Variants in ZSCAN5B observed in about 807,000 individuals in gnomAD.
ZSCAN5B encodes zinc finger and SCAN domain-containing protein 5B.
Under a neutral mutation model 25.2 loss-of-function variants are expected in ZSCAN5B, and 26 were observed. That is an observed-to-expected ratio of 1.03 (90% CI 0.76 to 1.43). The LOEUF is 1.43. ZSCAN5B is among the 40% of genes most tolerant of loss of function. ZSCAN5B has a pLI of 0.00. For synonymous variants in ZSCAN5B, 244 were observed against 240.9 expected, an observed-to-expected ratio of 1.01 and a Z score of -0.12; for missense variants, 745 against 622.1, an observed-to-expected ratio of 1.20 and a Z score of -2.10.
chr19:56,195,841 A>T (rs1219676785), intron 1 of ZSCAN5B, among the ~76,000 whole-genome samples: 1 of 107,318 alleles, frequency 9.3e-6, no homozygotes, highest in Admixed American at 8.5e-5. Flanking sequence ...TAAAAGTGGA[A>T]TTTTTTTTTA....
Position 56,190,601 on chromosome 19 carries a change from C to A in ZSCAN5B, c.740-26G>T, listed in dbSNP as rs935603133. On this transcript the variant is annotated intron_variant, in intron 4 of 4. Coordinates refer to ENST00000586855, the Ensembl canonical transcript of ZSCAN5B. ...CTGGTGGAAGAAGGGATTCCACACA[C>A]AACAGTTAACAAAGCCGATTTTCAA... 5 of 1,598,370 alleles carry A rather than the reference C, an allele frequency of 3.1e-6. No individual in the cohort carries two copies. In the South Asian group the frequency reaches 3.3e-5, roughly 11 times the overall value.
At chr19:56,191,597 C>A (rs1217912849) in intron 3 of ZSCAN5B, among the ~76,000 whole-genome samples, 1 of 152,140 alleles carries the variant, frequency 6.6e-6, no homozygotes, top group South Asian at 2.1e-4. Flanking sequence ...AACTGCCTCC[C>A]TCACTTCACT....
rs146951416 is a variant in ZSCAN5B, at chr19:56,191,248, C to T, written c.589-261G>A. On this transcript the variant is annotated intron_variant, in intron 3 of 4. Transcript: ENST00000586855. The stretch of plus-strand genomic sequence containing the variant: ...CGTGCCAATGTCTCCCTGCCCCTGA[C>T]GCTGGAAGAAGCATGACTCTAGGTG... Among the ~76,000 whole-genome samples, 613 of 152,268 alleles carry T rather than the reference C, an allele frequency of 4.0e-3. 2 individuals carry two copies. The highest frequency in any genetic ancestry group is 0.014 in the African/African-American group (581 of 41,540).
intron 1 of ZSCAN5B, among the ~76,000 whole-genome samples, chr19:56,195,695 C>T (rs769177258): frequency 2.6e-5 from 4 of 152,152 alleles, no homozygotes; most frequent in South Asian, 2.1e-4. Flanking sequence ...AAGTGACAGA[C>T]GGTGGGAAGG....
chr19:56,197,795 A>G lies in ZSCAN5B; in HGVS notation c.-189T>C. ...GGGATGCGCTCTCCAACCGGCCTGG[A>G]GCTGAACTGCGTCTATTTATGGAGA... is the stretch of plus-strand genomic sequence containing the variant. On this transcript the variant is annotated 5_prime_UTR_variant, in exon 1 of 5. Transcript: ENST00000586855. 1.0e-6 allele frequency: 1 copy of G among 985,224 alleles called. No individual in the cohort carries two copies. Among genetic ancestry groups the G allele is most frequent in the Non-Finnish European group, 1.2e-6 (1 of 829,902 alleles). 61.0% of individuals were successfully genotyped at this position (985,224 alleles called of 1,614,324 possible).
At chr19:56,194,979 C>G in intron 1 of ZSCAN5B, among the ~76,000 whole-genome samples, 1 of 152,146 alleles carries the variant, frequency 6.6e-6, no homozygotes, top group Non-Finnish European at 1.5e-5. Context: ...ACTCTCCAGG[C>G]ATCAATTATC....
exon 5 of ZSCAN5B, chr19:56,189,691 G>C: frequency 1.9e-6 from 2 of 1,079,164 alleles, no homozygotes; most frequent in Non-Finnish European, 2.6e-6. Flanking sequence ...AAAACTCATG[G>C]GGGAGGATAA....
chr19:56,193,380 G>A (rs1195312928), intron 1 of ZSCAN5B, among the ~76,000 whole-genome samples: 1 of 152,058 alleles, frequency 6.6e-6, no homozygotes, highest in Admixed American at 6.6e-5. Flanking sequence ...TGATCTCTAG[G>A]GGATCATTGT....
In ZSCAN5B at chr19:56,191,625, A is replaced by AC. The variant is rs978723682; in HGVS notation, c.588+224dup. Among the ~76,000 whole-genome samples, 19 of 66,766 alleles carry AC rather than the reference A, an allele frequency of 2.8e-4. No homozygotes were observed. The East Asian group carries it at 4.1e-3, about 14-fold the overall frequency. The allele number at this position is 66,766 out of a possible 152,430, so 43.8% of individuals were successfully genotyped here. On this transcript the variant is annotated intron_variant, in intron 3 of 4. Transcript: ENST00000586855. ...ACTTCACTGAGACCATTTCTTACCC[A>AC]CCCCCCCACCCTAAATGCTAAAAGC...
intron 3 of ZSCAN5B, 83 bp downstream of exon 3, chr19:56,191,767 C>T: frequency 1.4e-6 from 2 of 1,421,816 alleles, no homozygotes; most frequent in Non-Finnish European, 1.9e-6. Context: ...TGTGCCAAAT[C>T]TCTCAATCAG....
chr19:56,195,625 C>T (rs4801684), intron 1 of ZSCAN5B, among the ~76,000 whole-genome samples: 103,093 of 149,504 alleles, frequency 0.69, 35,541 homozygotes, highest in Middle Eastern at 0.81. Flanking sequence ...AATCCCGCTC[C>T]GGGGCAGGTA....
exon 3 of ZSCAN5B, chr19:56,192,046 A>C: frequency 6.2e-7 from 1 of 1,611,500 alleles, no homozygotes; most frequent in Non-Finnish European, 8.5e-7. Flanking sequence ...GAGCAAGTTG[A>C]CTATAGACTG....
At chr19:56,189,860 G>T in exon 5 of ZSCAN5B, 1 of 1,613,080 alleles carries the variant, frequency 6.2e-7, no homozygotes, top group Non-Finnish European at 8.5e-7. Flanking sequence ...GTGTTTTCAG[G>T]TGACGCTTGA....
intron 3 of ZSCAN5B, 42 bp from the exon 4 acceptor site, chr19:56,191,029 C>G (rs1370367448): frequency 6.2e-7 from 1 of 1,613,276 alleles, no homozygotes. Flanking sequence ...CGTGTCTATA[C>G]TGGTGGAAGT....
exon 2 of ZSCAN5B, chr19:56,192,711 G>A (rs1442430072): frequency 6.3e-7 from 1 of 1,590,344 alleles, no homozygotes; most frequent in Non-Finnish European, 8.6e-7. Flanking sequence ...GGTCCTCCAG[G>A]TCTTTGCAGC....
At chr19:56,197,264 C>G (rs1442892696) in intron 1 of ZSCAN5B, among the ~76,000 whole-genome samples, 1 of 151,876 alleles carries the variant, frequency 6.6e-6, no homozygotes, top group Non-Finnish European at 1.5e-5. Context: ...CCTCTGCCTC[C>G]TGGGTTCAAA....
chr19:56,192,967 G>A, exon 2 of ZSCAN5B: 12 of 1,611,578 alleles, frequency 7.4e-6, no homozygotes, highest in Non-Finnish European at 1.0e-5. Flanking sequence ...TTGAGTTTCT[G>A]GGGACGCCAC....
chr19:56,192,036 G>A (rs758500585), exon 3 of ZSCAN5B: 20 of 1,612,154 alleles, frequency 1.2e-5, no homozygotes, highest in East Asian at 1.1e-4. Flanking sequence ...ATTCTTTGCC[G>A]AGCAAGTTGA....
exon 2 of ZSCAN5B, chr19:56,192,983 G>T (rs761690422): frequency 3.7e-6 from 6 of 1,607,732 alleles, no homozygotes; most frequent in Non-Finnish European, 5.1e-6. Flanking sequence ...GCCACAGACC[G>T]TGGAGTGTCT....
Sources: gnomAD v4.1 joint callset for allele counts (sites outside exome capture counted in the v4.1 genomes callset) on GRCh38, gnomAD v4.1.1 for gene constraint, MANE v1.5 for transcripts, NCBI Gene and HGNC (gene_info 2026-07-23, HGNC 2026-07-21) for gene names.